Variants in LYPD6B observed in about 807,000 individuals in gnomAD.
LYPD6B encodes ly6/PLAUR domain-containing protein 6B.
In LYPD6B, 17 loss-of-function variants were observed where a neutral mutation model predicts 22.8. That is an observed-to-expected ratio of 0.75 (90% CI 0.51 to 1.12). The LOEUF (loss-of-function observed/expected upper bound fraction) is 1.12, where lower values mean the gene tolerates loss of function less well. Among genes scored for constraint, LYPD6B ranks in the 50% most tolerant of loss-of-function variants. The pLI, the probability that LYPD6B is intolerant of heterozygous loss-of-function variation, is 0.00. For missense variants in LYPD6B, 221 were observed against 258.3 expected (o/e 0.86, Z 0.99); for synonymous variants, 106 against 91.6 (o/e 1.16, Z -0.90).
chr2:149,098,500 G>A (rs184371529), intron 1 of LYPD6B, among the ~76,000 whole-genome samples: 36 of 151,778 alleles, frequency 2.4e-4, no homozygotes, highest in Admixed American at 2.0e-3. Flanking sequence ...GGTGGCAGGC[G>A]CCTGTAATCC....
intron 3 of LYPD6B, among the ~76,000 whole-genome samples, chr2:149,204,233 ATTGAGG>A (rs1693359354): frequency 6.6e-6 from 1 of 152,206 alleles, no homozygotes; most frequent in African/African-American, 2.4e-5. Flanking sequence ...AGATGAGGAA[ATTGAGG>A]TTAATAGAGT....
chr2:149,088,304 G>A (rs1479876498), intron 1 of LYPD6B, among the ~76,000 whole-genome samples: 3 of 152,118 alleles, frequency 2.0e-5, no homozygotes, highest in Admixed American at 2.0e-4. Flanking sequence ...AATTGCTTGT[G>A]ATCTGTGTTT....
chr2:149,165,188 G>A (rs1690343169), intron 3 of LYPD6B, among the ~76,000 whole-genome samples: 1 of 152,138 alleles, frequency 6.6e-6, no homozygotes, highest in Non-Finnish European at 1.5e-5. Flanking sequence ...TCTGGCAAGA[G>A]GACAAGAGCA....
chr2:149,047,640 C>T (rs1683371810), intron 1 of LYPD6B, among the ~76,000 whole-genome samples: 1 of 151,840 alleles, frequency 6.6e-6, no homozygotes, highest in Non-Finnish European at 1.5e-5. Context: ...TCTTGAGCTC[C>T]TTGGATCTGT....
At chr2:149,053,469 C>A (rs1421052880) in intron 1 of LYPD6B, among the ~76,000 whole-genome samples, 6 of 152,138 alleles carry the variant, frequency 3.9e-5, no homozygotes, top group Middle Eastern at 3.2e-3. Flanking sequence ...TAAATTTGAA[C>A]TATTGGGTCA....
chr2:149,123,875 A>T (rs1379198819), intron 1 of LYPD6B, among the ~76,000 whole-genome samples: 1 of 152,210 alleles, frequency 6.6e-6, no homozygotes, highest in East Asian at 1.9e-4. Context: ...ACATACATAA[A>T]TAATAATTTA....
chr2:149,092,928 C>G (rs967947130), intron 1 of LYPD6B, among the ~76,000 whole-genome samples: 1 of 152,164 alleles, frequency 6.6e-6, no homozygotes, highest in Non-Finnish European at 1.5e-5. Flanking sequence ...GATTCTGTCA[C>G]TCACAGACAG....
chr2:149,110,776 TTCCTC>T (rs1686718516), intron 1 of LYPD6B, among the ~76,000 whole-genome samples: 1 of 152,186 alleles, frequency 6.6e-6, no homozygotes, highest in African/African-American at 2.4e-5. Context: ...AGCAAAATCT[TTCCTC>T]TCAAAGAGTT....
At position 149,162,492 on chromosome 2, in the gene LYPD6B, G is replaced by A. The variant is rs995002877; in HGVS notation, c.77+1657G>A. Among the ~76,000 whole-genome samples the A allele has an allele frequency of 3.3e-5, 5 of 152,054 alleles. No individual in the cohort carries two copies. In the East Asian group the frequency reaches 5.8e-4, roughly 18 times the overall value. ...GAGTATTTACGGCTGTGCTTTACTC[G>A]ATGTCCACACTCACCCCTGCTTGCA... is the stretch of plus-strand genomic sequence containing the variant. On this transcript the variant is annotated intron_variant, in intron 3 of 6. Coordinates refer to ENST00000409642, the MANE Select transcript of LYPD6B (RefSeq NM_177964.5).
chr2:149,138,492 C>A (rs1688496897), intron 2 of LYPD6B, among the ~76,000 whole-genome samples: 1 of 152,160 alleles, frequency 6.6e-6, no homozygotes, highest in Non-Finnish European at 1.5e-5. Context: ...TTCCACCTAG[C>A]AAATAAAGAA....
At chr2:149,096,237 G>C (rs748453539) in intron 1 of LYPD6B, among the ~76,000 whole-genome samples, 1 of 152,114 alleles carries the variant, frequency 6.6e-6, no homozygotes, top group Non-Finnish European at 1.5e-5. Flanking sequence ...GACACACACA[G>C]AGAAATAGAG....
chr2:149,103,657 T>A (rs1328547946), intron 1 of LYPD6B, among the ~76,000 whole-genome samples: 2 of 152,188 alleles, frequency 1.3e-5, no homozygotes, highest in East Asian at 3.9e-4. Flanking sequence ...CCCACCCATC[T>A]CTGCCTGCCC....
chr2:149,048,838 T>C (rs1254096084), intron 1 of LYPD6B, among the ~76,000 whole-genome samples: 1 of 152,244 alleles, frequency 6.6e-6, no homozygotes, highest in African/African-American at 2.4e-5. Context: ...CTTCCACTTA[T>C]GCTTTATCAA....
At chr2:149,120,383 A>ATATATATATATATATT (rs1327065975) in intron 1 of LYPD6B, among the ~76,000 whole-genome samples, 2 of 48,614 alleles carry the variant, frequency 4.1e-5, no homozygotes, top group African/African-American at 2.1e-4. Flanking sequence ...ATATATATAT[A>ATATATATATATATATT]TTTTTTTTTT....
At chr2:149,128,748 CA>C (rs1687848098) in intron 1 of LYPD6B, among the ~76,000 whole-genome samples, 1 of 152,162 alleles carries the variant, frequency 6.6e-6, no homozygotes, top group South Asian at 2.1e-4. Context: ...TTTGTATCAA[CA>C]AAATAGCAAC....
At chr2:149,179,958 TTTTATTTATTTTATTTTTCC>T (rs796555340) in intron 3 of LYPD6B, among the ~76,000 whole-genome samples, 19 of 152,336 alleles carry the variant, frequency 1.2e-4, no homozygotes, top group African/African-American at 4.6e-4. Context: ...ATTTTATCAC[TTTTATTTATTTTATTTTTCC>T]TGACAATAAT....
chr2:149,045,549 T>C (rs1683270380), intron 1 of LYPD6B, among the ~76,000 whole-genome samples: 1 of 152,090 alleles, frequency 6.6e-6, no homozygotes, highest in Non-Finnish European at 1.5e-5. Context: ...CATTTCCCTC[T>C]AGGCCTTGCT....
rs545400250 is a variant in LYPD6B, at chr2:149,130,667, C to A, written c.-66-216C>A. Among the ~76,000 whole-genome samples the A allele has an allele frequency of 7.9e-5, 12 of 152,282 alleles. No individual in the cohort carries two copies. The East Asian group carries it at 1.7e-3, about 22-fold the overall frequency. Reference sequence around the variant, plus strand: ...CACTAAAAATGTGTATCCATTCCATCTATGTCCTGCCAAATCTTTCTACCC... The same window carrying A: ...CACTAAAAATGTGTATCCATTCCATATATGTCCTGCCAAATCTTTCTACCC... On this transcript the variant is annotated intron_variant, in intron 1 of 6. Transcript: ENST00000409642.
At chr2:149,167,360 TACC>T (rs1690497517) in intron 3 of LYPD6B, among the ~76,000 whole-genome samples, 1 of 152,198 alleles carries the variant, frequency 6.6e-6, no homozygotes, top group African/African-American at 2.4e-5. Flanking sequence ...CTGGCAAACC[TACC>T]ACTGTCCTTT....
Sources: allele counts gnomAD v4.1 joint callset (sites outside exome capture counted in the v4.1 genomes callset), GRCh38; gene constraint gnomAD v4.1.1; transcripts MANE v1.5; gene names NCBI Gene and HGNC (gene_info 2026-07-23, HGNC 2026-07-21).